Variants in SPIDR observed in about 807,000 individuals in gnomAD.
The protein encoded by SPIDR is DNA repair-scaffolding protein.
Under a neutral mutation model 104.6 loss-of-function variants are expected in SPIDR, and 93 were observed. The ratio of observed to expected loss-of-function variants is 0.89; its 90% CI spans 0.75 to 1.06. The LOEUF (loss-of-function observed/expected upper bound fraction) is 1.06. Ranked by LOEUF, SPIDR falls within the 50% of genes least tolerant of loss-of-function variation. The pLI, the probability that SPIDR is intolerant of heterozygous loss-of-function variation, is 0.00. For missense variants in SPIDR, 1,154 were observed against 1,111.2 expected (o/e 1.04, Z -0.55); for synonymous variants, 431 against 416.9 (o/e 1.03, Z -0.41).
chr8:47,637,839 G>A (rs2154445528), intron 10 of SPIDR, among the ~76,000 whole-genome samples: 1 of 152,236 alleles, frequency 6.6e-6, no homozygotes, highest in South Asian at 2.1e-4. Flanking sequence ...TTGGAAGGAA[G>A]CCATCATGCA....
chr8:47,510,926 C>T (rs1464244889), intron 8 of SPIDR: 16 of 563,496 alleles, frequency 2.8e-5, no homozygotes, highest in Non-Finnish European at 3.8e-5. Context: ...GGAGATGTCA[C>T]ACTGGACTAC....
chr8:47,582,853 C>T (rs2059856461), intron 8 of SPIDR, among the ~76,000 whole-genome samples: 1 of 149,980 alleles, frequency 6.7e-6, no homozygotes, highest in South Asian at 2.1e-4. Context: ...CACACACACA[C>T]ACACACACAC....
At chr8:47,617,934 G>C (rs1221129255) in intron 10 of SPIDR, among the ~76,000 whole-genome samples, 1 of 152,166 alleles carries the variant, frequency 6.6e-6, no homozygotes, top group Non-Finnish European at 1.5e-5. Flanking sequence ...GTGCGCCAGA[G>C]ACAAGCCCCA....
rs560895843 is a variant in SPIDR at position 47,730,192 on chromosome 8, G to A, written c.2604+727G>A. Among the ~76,000 whole-genome samples, 82 of 152,212 alleles carry A rather than the reference G, an allele frequency of 5.4e-4. 1 individual carries two copies. The highest frequency in any genetic ancestry group is 9.1e-4 in the Non-Finnish European group (62 of 68,022). On this transcript the variant is annotated intron_variant, in intron 19 of 19. Coordinates refer to ENST00000297423, the MANE Select transcript of SPIDR (RefSeq NM_001080394.4). ...TGACTGTCCTGCCCTGAGAGTCACTGTGGTGAATCTTAGTAAAGCAGGGTG... is the reference window on the plus strand; with the variant it reads ...TGACTGTCCTGCCCTGAGAGTCACTATGGTGAATCTTAGTAAAGCAGGGTG...
At position 47,512,029 on chromosome 8, in the gene SPIDR, G is replaced by A. The variant is rs1002815306; in HGVS notation, c.1097+71487G>A. On this transcript the variant is annotated intron_variant, in intron 8 of 19. Transcript: ENST00000297423. ...TTCCCCTCTGTCCTCATAAAAGCTC[G>A]CTAGCGCAATCTGCAAGTCCCAGGT... is the stretch of plus-strand genomic sequence containing the variant. 21 of 733,378 alleles carry A rather than the reference G, an allele frequency of 2.9e-5. 1 individual carries two copies. Among genetic ancestry groups the A allele is most frequent in the Admixed American group, 2.8e-4 (15 of 52,654 alleles). 45.4% of individuals were successfully genotyped at this position (733,378 alleles called of 1,614,324 possible). A position where few individuals can be genotyped will look rare whatever the true frequency, so the allele number is the denominator to read the frequency against.
intron 7 of SPIDR, among the ~76,000 whole-genome samples, chr8:47,411,431 T>C (rs2063510875): frequency 6.6e-6 from 1 of 152,232 alleles, no homozygotes; most frequent in Admixed American, 6.5e-5. Flanking sequence ...CATTTTTTCA[T>C]GTGTCTCTTG....
intron 5 of SPIDR, among the ~76,000 whole-genome samples, chr8:47,392,215 C>T (rs577215436): frequency 3.3e-5 from 5 of 152,106 alleles, no homozygotes; most frequent in Admixed American, 2.6e-4. Context: ...AAGAAACTAC[C>T]TTAGGGAAGT....
intron 8 of SPIDR, among the ~76,000 whole-genome samples, chr8:47,448,538 T>A (rs1374371255): frequency 6.6e-6 from 1 of 152,104 alleles, no homozygotes; most frequent in Non-Finnish European, 1.5e-5. Flanking sequence ...AAACAAGTTA[T>A]AAAAGACCAC....
chr8:47,260,973 C>G lies in SPIDR; in HGVS notation c.15C>G (p.Ser5Arg), dbSNP rs1164554630. The stretch of plus-strand genomic sequence containing the variant: ...CGCTCCCGGAGATGCCCCGCGGCAG[C>G]CGCGCTCGGGGCTCTAAGGTAGGCT... MPRG[S>R]RARGSKRKRS... The change falls in exon 1 of 20, where the codon AGC becomes AGG. Residue 5 changes from serine to arginine, a missense_variant. Ser to Arg is a moderately radical substitution (Grantham distance 110). Transcript: ENST00000297423. 7.3e-6 allele frequency: 9 copies of G among 1,230,302 alleles called. No individual in the cohort carries two copies. The highest frequency in any genetic ancestry group is 9.1e-6 in the Non-Finnish European group (9 of 986,870). The allele number at this position is 1,230,302 out of a possible 1,614,324, so 76.2% of individuals were successfully genotyped here.
At chr8:47,305,061 A>C (rs2042891153) in intron 5 of SPIDR, among the ~76,000 whole-genome samples, 1 of 152,238 alleles carries the variant, frequency 6.6e-6, no homozygotes. Flanking sequence ...TAACTATGAG[A>C]AATAAACTTC....
At chr8:47,440,603 C>A in intron 8 of SPIDR, 61 bp downstream of exon 8, 3 of 1,506,544 alleles carry the variant, frequency 2.0e-6, no homozygotes, top group Non-Finnish European at 1.8e-6. Flanking sequence ...TAAGAAAAGA[C>A]ATTTTTATCA....
chr8:47,485,944 T>C (rs1249065950), intron 8 of SPIDR, among the ~76,000 whole-genome samples: 1 of 152,196 alleles, frequency 6.6e-6, no homozygotes, highest in Non-Finnish European at 1.5e-5. Flanking sequence ...TCAGAGCGCC[T>C]GTCCCCCTCT....
chr8:47,582,704 T>A (rs1165653809), intron 8 of SPIDR, among the ~76,000 whole-genome samples: 1 of 151,984 alleles, frequency 6.6e-6, no homozygotes, highest in Non-Finnish European at 1.5e-5. Context: ...CTCTATTTTT[T>A]AAAAAAAGCA....
At chr8:47,277,601 C>T (rs1279896761) in intron 1 of SPIDR, among the ~76,000 whole-genome samples, 1 of 150,962 alleles carries the variant, frequency 6.6e-6, no homozygotes, top group Non-Finnish European at 1.5e-5. Flanking sequence ...AGTAGTCCTC[C>T]TGCCTTGGTC....
At chr8:47,616,992 G>A (rs1216658925) in intron 10 of SPIDR, among the ~76,000 whole-genome samples, 1 of 151,984 alleles carries the variant, frequency 6.6e-6, no homozygotes, top group Non-Finnish European at 1.5e-5. Flanking sequence ...ACAATTTTGA[G>A]GATTACTGGA....
rs943748713 is a variant in SPIDR at position 47,531,890 on chromosome 8, A to G, written c.1098-63921A>G. The stretch of plus-strand genomic sequence containing the variant: ...TAAGAGAAGAAAAAAATAGAATCAT[A>G]TAAAATGGCCAATTAAAACTATAGG... On this transcript the variant is annotated intron_variant, in intron 8 of 19. Transcript: ENST00000297423. 2.6e-5 allele frequency among the ~76,000 whole-genome samples: 4 copies of G among 152,338 alleles called. No individual in the cohort carries two copies. In the South Asian group the frequency reaches 6.2e-4, roughly 24 times the overall value.
At chr8:47,443,901 T>C (rs2070004929) in intron 8 of SPIDR, among the ~76,000 whole-genome samples, 1 of 152,182 alleles carries the variant, frequency 6.6e-6, no homozygotes, top group Admixed American at 6.5e-5. Flanking sequence ...TAAACTCTCA[T>C]TGGATTCCAG....
chr8:47,481,690 G>A (rs1586443917), intron 8 of SPIDR, among the ~76,000 whole-genome samples: 1 of 152,148 alleles, frequency 6.6e-6, no homozygotes, highest in East Asian at 1.9e-4. Context: ...AAAAGAACTT[G>A]GAGGTAGGAA....
chr8:47,702,109 A>G, intron 14 of SPIDR, 94 bp downstream of exon 14: 1 of 834,966 alleles, frequency 1.2e-6, no homozygotes, highest in Admixed American at 2.2e-5. Flanking sequence ...ACACACACAC[A>G]CACACACACA....
Sources: gnomAD v4.1 joint callset for allele counts (sites outside exome capture counted in the v4.1 genomes callset) on GRCh38, gnomAD v4.1.1 for gene constraint, MANE v1.5 for transcripts, NCBI Gene and HGNC (gene_info 2026-07-23, HGNC 2026-07-21) for gene names.